Variants in PPP2R1B observed in about 807,000 individuals in gnomAD.
The protein encoded by PPP2R1B is protein phosphatase 2 scaffold subunit Abeta.
PPP2R1B carries 58 observed loss-of-function variants against 72.7 expected under a neutral mutation model. The ratio of observed to expected loss-of-function variants is 0.80; its 90% CI spans 0.65 to 0.99. The LOEUF is 0.99. Ranked by LOEUF, PPP2R1B falls within the 50% of genes least tolerant of loss-of-function variation. The pLI, the probability that PPP2R1B is intolerant of heterozygous loss-of-function variation, is 0.00. For synonymous variants in PPP2R1B, 256 were observed against 264.6 expected, an observed-to-expected ratio of 0.97 and a Z score of 0.32; for missense variants, 695 against 733.6, an observed-to-expected ratio of 0.95 and a Z score of 0.61.
At chr11:111,741,909 G>C (rs902084484) in intron 14 of PPP2R1B, 144 bp downstream of exon 14, 4 of 842,294 alleles carry the variant, frequency 4.7e-6, no homozygotes, top group East Asian at 2.5e-5. Flanking sequence ...TCTAATCAGA[G>C]AGACACCAGC....
In PPP2R1B at chr11:111,760,775, A is replaced by G. The variant is rs149925929; in HGVS notation, c.539+44T>C. 8.3e-3 allele frequency: 12,801 copies of G among 1,535,786 alleles called. 65 individuals are homozygous for G. Among genetic ancestry groups the G allele is most frequent in the Middle Eastern group, 0.025 (148 of 5,914 alleles). ...AATCCCAAATAACTCATAGCTTACT[A>G]CCTGATTTCTGCTTTAACAAGGCAA... On this transcript the variant is annotated intron_variant, in intron 4 of 14. Coordinates refer to ENST00000527614, the MANE Select transcript of PPP2R1B (RefSeq NM_002716.5).
chr11:111,745,703 A>C (rs1262315170), intron 11 of PPP2R1B, among the ~76,000 whole-genome samples: 1 of 152,202 alleles, frequency 6.6e-6, no homozygotes, highest in East Asian at 1.9e-4. Context: ...TAATAAATAA[A>C]TAAATTTCCC....
intron 15 of PPP2R1B, chr11:111,729,163 G>C (rs546430724): frequency 3.3e-5 from 5 of 152,186 alleles, no homozygotes; most frequent in Non-Finnish European, 7.3e-5. Flanking sequence ...AATTAAGGTA[G>C]CCTAGCTGAT....
chr11:111,727,025 T>G (rs1286559387), exon 16 of PPP2R1B: 1 of 1,614,068 alleles, frequency 6.2e-7, no homozygotes, highest in East Asian at 2.2e-5. Flanking sequence ...CAAGTGTGTC[T>G]CTAGTATCTC....
Position 111,754,576 on chromosome 11 carries a change from G to A in PPP2R1B, c.959-7C>T. 1 of 1,591,258 alleles carries A rather than the reference G, an allele frequency of 6.3e-7. No individual in the cohort carries two copies. The highest frequency in any genetic ancestry group is 1.9e-5 in the Admixed American group (1 of 52,592). On this transcript the variant is annotated splice_polypyrimidine_tract_variant and splice_region_variant and intron_variant, in intron 7 of 14. Coordinates refer to ENST00000527614, the MANE Select transcript of PPP2R1B (RefSeq NM_002716.5). ...GGCAAGTTCTCACCAAGTTCTAAAA[G>A]ATAAATAGAAAAAAAGAATGCTTTC... is the stretch of plus-strand genomic sequence containing the variant.
At chr11:111,721,079 C>CTTCCCTCAA in the PPP2R1B span, 1 of 1,602,860 alleles carries the variant, frequency 6.2e-7, no homozygotes, top group Non-Finnish European at 8.5e-7. Flanking sequence ...ACCTTGGGCC[C>CTTCCCTCAA]TTCCCTCAAT....
At chr11:111,706,044 C>CAAAT in the PPP2R1B span, among the ~76,000 whole-genome samples, 1 of 152,200 alleles carries the variant, frequency 6.6e-6, no homozygotes, top group Non-Finnish European at 1.5e-5. Context: ...GACTCTGGAG[C>CAAAT]AAATCCCAAT....
intron 10 of PPP2R1B, among the ~76,000 whole-genome samples, chr11:111,749,140 TG>T (rs1484543919): frequency 5.3e-5 from 8 of 152,044 alleles, no homozygotes; most frequent in African/African-American, 1.9e-4. Context: ...CCACCGCACC[TG>T]GCCCAAAATT....
chr11:111,732,024 C>T (rs551672476), intron 15 of PPP2R1B, among the ~76,000 whole-genome samples: 10 of 152,204 alleles, frequency 6.6e-5, no homozygotes, highest in Non-Finnish European at 2.9e-5. Context: ...CTTTGTGAGT[C>T]GAAGGCTCCA....
At chr11:111,726,626 T>A (rs1474485129), downstream of PPP2R1B, 10 of 271,690 alleles carry the variant, frequency 3.7e-5, no homozygotes, top group Non-Finnish European at 7.0e-5. Context: ...AGGTGTTTGC[T>A]CAGCCCTGTC....
At chr11:111,696,921 A>C in the PPP2R1B span, among the ~76,000 whole-genome samples, 6 of 152,286 alleles carry the variant, frequency 3.9e-5, no homozygotes, top group Admixed American at 3.3e-4. Flanking sequence ...CACTATATGC[A>C]TTTAGGCAGA....
chr11:111,722,265 G>C (rs1943824444), downstream of PPP2R1B, among the ~76,000 whole-genome samples: 1 of 152,190 alleles, frequency 6.6e-6, no homozygotes, highest in Admixed American at 6.5e-5. The surrounding 1 kb of genome is among the most constrained non-coding windows in gnomAD (Gnocchi z 4.4). Flanking sequence ...TAAGTCTGCA[G>C]AATTTCTACA....
the PPP2R1B span, among the ~76,000 whole-genome samples, chr11:111,696,933 A>G: frequency 6.6e-6 from 1 of 152,224 alleles, no homozygotes; most frequent in African/African-American, 2.4e-5. Context: ...TTAGGCAGAA[A>G]GCTGCAGACT....
At chr11:111,756,945 CT>C (rs1412347973) in intron 5 of PPP2R1B, among the ~76,000 whole-genome samples, 3 of 152,052 alleles carry the variant, frequency 2.0e-5, no homozygotes, top group African/African-American at 7.2e-5. Flanking sequence ...GAAACCCCAT[CT>C]CTACTAACAA....
intron 5 of PPP2R1B, among the ~76,000 whole-genome samples, chr11:111,756,239 A>G (rs1945115160): frequency 6.6e-6 from 1 of 151,510 alleles, no homozygotes; most frequent in African/African-American, 2.4e-5. Flanking sequence ...AAAAAAAAGA[A>G]AGAGCTGCTC....
At chr11:111,701,896 A>G in the PPP2R1B span, among the ~76,000 whole-genome samples, 141 of 152,320 alleles carry the variant, frequency 9.3e-4, no homozygotes, top group Middle Eastern at 3.4e-3. This position sits in a 1 kb window ranked among gnomAD's most constrained non-coding sequence, Gnocchi z 4.2. Context: ...TTTTACTCCA[A>G]TATGAAATGA....
intron 15 of PPP2R1B, chr11:111,727,206 C>A (rs1051199867): frequency 1.2e-5 from 8 of 663,888 alleles, no homozygotes; most frequent in African/African-American, 5.4e-5. Flanking sequence ...TGGTTCTCTA[C>A]ACCATCCACC....
the PPP2R1B span, among the ~76,000 whole-genome samples, chr11:111,708,516 G>A: frequency 6.6e-5 from 10 of 152,124 alleles, no homozygotes; most frequent in African/African-American, 2.4e-4. Context: ...TAATTGAGTT[G>A]AGACTATTTA....
In PPP2R1B at chr11:111,740,539, C is replaced by A; in HGVS notation, c.*1057G>T. On this transcript the variant is annotated 3_prime_UTR_variant, in exon 15 of 15. Transcript: ENST00000527614. Reference sequence around the variant, plus strand: ...AGGCTTCCTCACTATTAATTTGCTTCAGTAAACTCTTCAGCTTAACTCATT... The same window carrying A: ...AGGCTTCCTCACTATTAATTTGCTTAAGTAAACTCTTCAGCTTAACTCATT... 1.0e-6 allele frequency: 1 copy of A among 985,210 alleles called. No individual in the cohort carries two copies. The highest frequency in any genetic ancestry group is 1.2e-6 in the Non-Finnish European group (1 of 829,738). The allele number at this position is 985,210 out of a possible 1,614,324, so 61.0% of individuals were successfully genotyped here. A position where few individuals can be genotyped will look rare whatever the true frequency, so the allele number is the denominator to read the frequency against.
Sources: gnomAD v4.1 joint callset for allele counts (sites outside exome capture counted in the v4.1 genomes callset) on GRCh38, gnomAD v4.1.1 for gene constraint, Gnocchi (gnomAD v3.1) non-coding constraint, MANE v1.5 for transcripts, NCBI Gene and HGNC (gene_info 2026-07-23, HGNC 2026-07-21) for gene names.